IQSEC1: variants seen among roughly 807,000 people sequenced by gnomAD.
IQSEC1 encodes the protein IQ motif and Sec7 domain ArfGEF 1.
IQSEC1 carries 31 observed loss-of-function variants against 91.0 expected under a neutral mutation model. The observed-to-expected ratio is 0.34, with a 90% confidence interval of 0.26 to 0.46. The LOEUF (loss-of-function observed/expected upper bound fraction) is 0.46. Among genes scored for constraint, IQSEC1 ranks in the 20% least tolerant of loss-of-function variants. The pLI is 1.00. For missense variants in IQSEC1, 1,388 were observed against 1,575.6 expected, an observed-to-expected ratio of 0.88 and a Z score of 2.02; for synonymous variants, 699 against 662.6, an observed-to-expected ratio of 1.05 and a Z score of -0.84.
rs142922898 is a variant in IQSEC1, at chr3:12,935,745, C to T, written c.1271G>A (p.Arg424Gln). 6.1e-5 allele frequency: 99 copies of T among 1,610,310 alleles called. No homozygotes were observed. The highest frequency in any genetic ancestry group is 1.7e-4 in the Middle Eastern group (1 of 5,992). ...GTCCAGGGGCCTGGGGGGCCGGGGC[C>T]GCAACTCAGGCTCCTCCCGGGGGAG... ...KSLPREEPEL[R>Q]PRPPRPLDSH... Residue 424 changes from arginine (R) to glutamine (Q), a missense_variant, in exon 3 of 14, where the codon CGG becomes CAG. Arg to Gln is a conservative substitution (Grantham distance 43). This residue lies in a region of IQSEC1 where 1,059 missense variants were observed against 1,317.8 expected (regional missense o/e 0.80). Transcript: ENST00000613206. This position sits in a 1 kb window ranked among gnomAD's most constrained non-coding sequence, Gnocchi z 8.0.
chr3:12,907,428 G>T (rs749047861), intron 12 of IQSEC1, among the ~76,000 whole-genome samples: 1 of 152,172 alleles, frequency 6.6e-6, no homozygotes, highest in Non-Finnish European at 1.5e-5. Flanking sequence ...GCAGACCTGC[G>T]TGGGACAAGC....
chr3:13,141,054 C>T (rs1237756984), intron 2 of IQSEC1, among the ~76,000 whole-genome samples: 4 of 152,262 alleles, frequency 2.6e-5, no homozygotes, highest in African/African-American at 9.6e-5. Context: ...TAATCCCGCT[C>T]ACTCCATGGT....
intron 2 of IQSEC1, among the ~76,000 whole-genome samples, chr3:13,140,409 T>C (rs769384016): frequency 6.6e-6 from 1 of 152,188 alleles, no homozygotes; most frequent in Non-Finnish European, 1.5e-5. Context: ...GAAATCATAG[T>C]TTAGTGAAAG....
chr3:13,039,499 C>T (rs1392036925), intron 1 of IQSEC1, among the ~76,000 whole-genome samples: 1 of 152,198 alleles, frequency 6.6e-6, no homozygotes, highest in Non-Finnish European at 1.5e-5. Context: ...AGGCAAAAAG[C>T]CAAGTGGCTC....
At chr3:13,015,498 T>C in intron 1 of IQSEC1, 1 of 918,836 alleles carries the variant, frequency 1.1e-6, no homozygotes, top group Non-Finnish European at 1.3e-6. Context: ...CACGGCAGGC[T>C]GCCCTGACAG....
chr3:13,067,971 G>A (rs1456363102), intron 1 of IQSEC1, among the ~76,000 whole-genome samples: 6 of 152,374 alleles, frequency 3.9e-5, no homozygotes, highest in South Asian at 4.1e-4. Flanking sequence ...CAAGGATGGC[G>A]TGACACTTGT....
At chr3:13,081,409 C>T (rs143604896) in intron 2 of IQSEC1, among the ~76,000 whole-genome samples, 1 of 151,648 alleles carries the variant, frequency 6.6e-6, no homozygotes, top group African/African-American at 2.4e-5. Context: ...TCTGGGACTT[C>T]AGGAACATGC....
chr3:12,909,052 A>G lies in IQSEC1; in HGVS notation c.2578+221T>C, dbSNP rs1695308193. Among the ~76,000 whole-genome samples the G allele has an allele frequency of 6.6e-6, 1 of 152,190 alleles. No homozygotes were observed. The highest frequency in any genetic ancestry group is 2.4e-5 in the African/African-American group (1 of 41,446). On this transcript the variant is annotated intron_variant, in intron 11 of 13. Transcript: ENST00000613206. This position sits in a 1 kb window ranked among gnomAD's most constrained non-coding sequence, Gnocchi z 4.9. ...AGAGAGCCAGGGTCTTTTGATGGAC[A>G]TACAACAGGCAACAGGTAGGGCGGG...
chr3:13,130,111 C>T (rs1252642099), intron 2 of IQSEC1, among the ~76,000 whole-genome samples: 6 of 149,264 alleles, frequency 4.0e-5, no homozygotes, highest in Non-Finnish European at 7.4e-5. Context: ...TTTGGGAGGC[C>T]GAGGCGGGAG....
intron 2 of IQSEC1, among the ~76,000 whole-genome samples, chr3:13,088,076 C>T (rs1156730399): frequency 6.6e-6 from 1 of 152,172 alleles, no homozygotes; most frequent in Non-Finnish European, 1.5e-5. Flanking sequence ...CTAACACAGC[C>T]CCTCCCTGTT....
intron 2 of IQSEC1, among the ~76,000 whole-genome samples, chr3:13,099,069 A>G (rs915483021): frequency 6.6e-6 from 1 of 152,216 alleles, no homozygotes; most frequent in African/African-American, 2.4e-5. Flanking sequence ...GGGTGTCCCC[A>G]AAGAGGTGAT....
chr3:13,171,993 AG>A (rs1693624851), intron 1 of IQSEC1, among the ~76,000 whole-genome samples: 1 of 152,166 alleles, frequency 6.6e-6, no homozygotes, highest in Admixed American at 6.5e-5. Flanking sequence ...CTCCCCCAGG[AG>A]CCTGGGCTAA....
At chr3:12,905,428 A>G (rs1694864821) in intron 12 of IQSEC1, among the ~76,000 whole-genome samples, 1 of 152,236 alleles carries the variant, frequency 6.6e-6, no homozygotes, top group South Asian at 2.1e-4. Context: ...AATGATAGCT[A>G]TGCACACTCG....
chr3:13,148,797 G>A (rs1378110929), intron 2 of IQSEC1, among the ~76,000 whole-genome samples: 1 of 152,274 alleles, frequency 6.6e-6, no homozygotes, highest in African/African-American at 2.4e-5. Flanking sequence ...CCTGGGAAAT[G>A]AGGACACGTC....
At chr3:13,069,368 C>T (rs1014092269) in intron 1 of IQSEC1, among the ~76,000 whole-genome samples, 1 of 147,590 alleles carries the variant, frequency 6.8e-6, no homozygotes, top group African/African-American at 2.5e-5. Flanking sequence ...ATGGTGAAGG[C>T]TCAATGCACA....
chr3:13,184,142 G>A (rs1693892515), intron 1 of IQSEC1, among the ~76,000 whole-genome samples: 2 of 152,142 alleles, frequency 1.3e-5, no homozygotes, highest in Non-Finnish European at 2.9e-5. Flanking sequence ...GAAGGGAGGA[G>A]TCACTTCCCA....
chr3:13,055,403 A>G (rs542130476), intron 1 of IQSEC1, among the ~76,000 whole-genome samples: 1 of 152,328 alleles, frequency 6.6e-6, no homozygotes, highest in African/African-American at 2.4e-5. Flanking sequence ...CTTTGAAATG[A>G]TGCTTCATCC....
chr3:12,936,296 G>A lies in IQSEC1; in HGVS notation c.720C>T (p.Ile240=), dbSNP rs1698193751. The stretch of plus-strand genomic sequence containing the variant: ...GGCTGCGGCAGTTGAGGGCATCGTC[G>A]ATGGACTCGGCCAGTGATTTCACTT... The part of the protein sequence containing the change: ...SRQVKSLAES[I]DDALNCRSLH... The change falls in exon 3 of 14, where the codon ATC becomes ATT. Residue 240 remains isoleucine, a synonymous_variant. Transcript: ENST00000613206. 3.1e-6 allele frequency: 5 copies of A among 1,613,016 alleles called. No homozygotes were observed. The highest frequency in any genetic ancestry group is 2.2e-5 in the East Asian group (1 of 44,874).
At chr3:12,999,882 C>A (rs777676612) in intron 1 of IQSEC1, among the ~76,000 whole-genome samples, 6 of 152,202 alleles carry the variant, frequency 3.9e-5, no homozygotes, top group Admixed American at 1.3e-4. Context: ...TAATTTTCAA[C>A]AATACACATT....
Sources: allele counts gnomAD v4.1 joint callset (sites outside exome capture counted in the v4.1 genomes callset), GRCh38; gene constraint gnomAD v4.1.1; regional missense constraint gnomAD v4.1.1; non-coding constraint Gnocchi (gnomAD v3.1); transcripts MANE v1.5; gene names NCBI Gene and HGNC (gene_info 2026-07-23, HGNC 2026-07-21).